RBP5: variants seen among roughly 807,000 people sequenced by gnomAD.
RBP5 encodes the protein retinol-binding protein 5.
RBP5 carries 12 observed loss-of-function variants against 17.8 expected under a neutral mutation model. The observed-to-expected ratio is 0.67, with a 90% CI of 0.43 to 1.09. The LOEUF (loss-of-function observed/expected upper bound fraction) is 1.09, where lower values mean the gene tolerates loss of function less well. Among genes scored for constraint, RBP5 ranks in the 50% least tolerant of loss-of-function variants. RBP5 has a pLI of 0.00. For missense variants in RBP5, 172 were observed against 169.4 expected, an observed-to-expected ratio of 1.02 and a Z score of -0.09; for synonymous variants, 64 against 68.1, an observed-to-expected ratio of 0.94 and a Z score of 0.30.
At chr12:7,122,082 GT>G (rs1296923379), downstream of RBP5, among the ~76,000 whole-genome samples, 3 of 89,500 alleles carry the variant, frequency 3.4e-5, no homozygotes, top group Non-Finnish European at 6.6e-5. Context: ...TTGGGTGTGT[GT>G]TTATATGTGT....
downstream of RBP5, among the ~76,000 whole-genome samples, chr12:7,121,485 T>C (rs1313415536): frequency 6.6e-6 from 1 of 152,088 alleles, no homozygotes; most frequent in Non-Finnish European, 1.5e-5. Flanking sequence ...GTCAGGGTCA[T>C]GTGGGAGGTG....
chr12:7,119,298 G>T (rs375109081), downstream of RBP5, among the ~76,000 whole-genome samples: 1 of 151,948 alleles, frequency 6.6e-6, no homozygotes, highest in Non-Finnish European at 1.5e-5. Context: ...CTGTCCCTGC[G>T]TCATCCCTTT....
rs1416290293 is a variant in RBP5 at position 7,128,252 on chromosome 12, T to G, written c.240A>C (p.Gly80=). The G allele has an allele frequency of 6.2e-7, 1 of 1,610,340 alleles. No homozygotes were observed. Among genetic ancestry groups the G allele is most frequent in the African/African-American group, 1.3e-5 (1 of 74,792 alleles). ...AGGGGAAATGTACCTGGCATTTTCG[T>G]CCGTCCACGCTCCTGAGGTCCTCCT... ...EFEEDLRSVD[G]RKCQTIVTWE... The change falls in exon 2 of 4, where the codon GGA becomes GGC. Residue 80 remains glycine, a synonymous_variant. Coordinates refer to ENST00000266560, the MANE Select transcript of RBP5 (RefSeq NM_031491.4). The surrounding 1 kb of genome is among the most constrained non-coding windows in gnomAD (Gnocchi z 5.3).
At chr12:7,129,900 G>A, upstream of RBP5, 1 of 759,232 alleles carries the variant, frequency 1.3e-6, no homozygotes. The surrounding 1 kb of genome is among the most constrained non-coding windows in gnomAD (Gnocchi z 5.5). Flanking sequence ...CCTGCGGACC[G>A]CCCTGTGGCT....
At position 7,128,428 on chromosome 12, in the gene RBP5, C is replaced by T; in HGVS notation, c.74-10G>A. ...ACAGCCAAGCTGATGTCTGTGGGGG[C>T]TGCCTGTTAGTAGGGGTGCTGCTAG... On this transcript the variant is annotated splice_polypyrimidine_tract_variant and intron_variant, in intron 1 of 3. Coordinates refer to ENST00000266560, the MANE Select transcript of RBP5 (RefSeq NM_031491.4). This position sits in a 1 kb window ranked among gnomAD's most constrained non-coding sequence, Gnocchi z 5.3. The T allele has an allele frequency of 6.2e-7, 1 of 1,613,652 alleles. No homozygotes were observed. Among genetic ancestry groups the T allele is most frequent in the African/African-American group, 1.3e-5 (1 of 75,052 alleles).
chr12:7,128,943 G>C, upstream of RBP5: 1 of 642,998 alleles, frequency 1.6e-6, no homozygotes, highest in Admixed American at 2.2e-5. The surrounding 1 kb of genome is among the most constrained non-coding windows in gnomAD (Gnocchi z 5.3). Context: ...GTTGCAATAA[G>C]AGTCCCTACC....
upstream of RBP5, chr12:7,129,382 A>AT (rs1318363634): frequency 6.1e-6 from 1 of 164,472 alleles, no homozygotes; most frequent in African/African-American, 2.4e-5. This position sits in a 1 kb window ranked among gnomAD's most constrained non-coding sequence, Gnocchi z 5.5. Flanking sequence ...GAGCTCCCTC[A>AT]GGTAGTGTGC....
intron 3 of RBP5, chr12:7,118,270 G>C (rs948370720): frequency 1.3e-5 from 2 of 152,136 alleles, no homozygotes; most frequent in East Asian, 3.9e-4. Context: ...CTTACAGCTG[G>C]GTCAAGGATA....
rs12824504 is a variant in RBP5 at position 7,124,251 on chromosome 12, A to T, written c.355-77T>A. Reference sequence around the variant, plus strand: ...CAGAGCCCCTTTCTCAAGGTCCTTGACCTCCATTTACTCCTTCCGGATACA... The same window carrying T: ...CAGAGCCCCTTTCTCAAGGTCCTTGTCCTCCATTTACTCCTTCCGGATACA... On this transcript the variant is annotated intron_variant, in intron 3 of 3. Coordinates refer to ENST00000266560, the MANE Select transcript of RBP5 (RefSeq NM_031491.4). The surrounding 1 kb of genome is among the most constrained non-coding windows in gnomAD (Gnocchi z 5.3). 114,598 of 1,278,914 alleles carry T rather than the reference A, an allele frequency of 0.09. 5,527 individuals are homozygous for T. The highest frequency in any genetic ancestry group is 0.18 in the East Asian group (7,872 of 42,776). The allele number at this position is 1,278,914 out of a possible 1,614,324, so 79.2% of individuals were successfully genotyped here. A position where few individuals can be genotyped will look rare whatever the true frequency, so the allele number is the denominator to read the frequency against.
chr12:7,124,288 G>T lies in RBP5; in HGVS notation c.355-114C>A. ...TCCTTCCGGATACAGCAGCTTGAGT[G>T]TTTGATGTATGGGCAATTGTATCAT... On this transcript the variant is annotated intron_variant, in intron 3 of 3. Coordinates refer to ENST00000266560, the MANE Select transcript of RBP5 (RefSeq NM_031491.4). The surrounding 1 kb of genome is among the most constrained non-coding windows in gnomAD (Gnocchi z 5.3). The T allele has an allele frequency of 1.1e-6, 1 of 901,024 alleles. No homozygotes were observed. Among genetic ancestry groups the T allele is most frequent in the Non-Finnish European group, 1.8e-6 (1 of 554,094 alleles). 55.8% of individuals were successfully genotyped at this position (901,024 alleles called of 1,614,324 possible).
intron 2 of RBP5, among the ~76,000 whole-genome samples, chr12:7,126,507 GGTGGTGTGT>G (rs1325161467): frequency 1.3e-4 from 4 of 29,812 alleles, no homozygotes; most frequent in African/African-American, 5.8e-4. Flanking sequence ...TGGTGGTGGT[GGTGGTGTGT>G]GTGTGTGTGT....
chr12:7,120,236 G>C (rs748667871), downstream of RBP5, among the ~76,000 whole-genome samples: 5 of 152,092 alleles, frequency 3.3e-5, no homozygotes, highest in Admixed American at 6.5e-5. Context: ...TGGAAGGTCA[G>C]CTACGTTTTA....
chr12:7,129,017 G>A (rs16916852), upstream of RBP5: 43,020 of 474,782 alleles, frequency 0.091, 2,557 homozygotes, highest in South Asian at 0.2. This position sits in a 1 kb window ranked among gnomAD's most constrained non-coding sequence, Gnocchi z 5.5. Flanking sequence ...GGAGGGGCAG[G>A]GATTTGGCAA....
In RBP5 at chr12:7,128,800, A is replaced by C. The variant is rs1379811161; in HGVS notation, c.-25T>G. ...TTGTGTGGATGAAGGTTTCAGGAGA[A>C]TGCAGGAGACAGGGTGAGGAAGGAG... On this transcript the variant is annotated 5_prime_UTR_variant, in exon 1 of 4. Coordinates refer to ENST00000266560, the MANE Select transcript of RBP5 (RefSeq NM_031491.4). This position sits in a 1 kb window ranked among gnomAD's most constrained non-coding sequence, Gnocchi z 5.3. The C allele has an allele frequency of 2.5e-6, 4 of 1,570,520 alleles. No homozygotes were observed. The African/African-American group carries it at 4.0e-5, about 16-fold the overall frequency.
chr12:7,124,275 C>A lies in RBP5; in HGVS notation c.355-101G>T. The A allele has an allele frequency of 9.7e-7, 1 of 1,031,880 alleles. No individual in the cohort carries two copies. The highest frequency in any genetic ancestry group is 1.5e-6 in the Non-Finnish European group (1 of 664,372). 63.9% of individuals were successfully genotyped at this position (1,031,880 alleles called of 1,614,324 possible). Reference sequence around the variant, plus strand: ...GACCTCCATTTACTCCTTCCGGATACAGCAGCTTGAGTGTTTGATGTATGG... The same window carrying A: ...GACCTCCATTTACTCCTTCCGGATAAAGCAGCTTGAGTGTTTGATGTATGG... On this transcript the variant is annotated intron_variant, in intron 3 of 3. Coordinates refer to ENST00000266560, the MANE Select transcript of RBP5 (RefSeq NM_031491.4). The surrounding 1 kb of genome is among the most constrained non-coding windows in gnomAD (Gnocchi z 5.3).
At chr12:7,129,037 T>C, upstream of RBP5, 1 of 424,986 alleles carries the variant, frequency 2.4e-6, no homozygotes, top group Non-Finnish European at 4.4e-6. This position sits in a 1 kb window ranked among gnomAD's most constrained non-coding sequence, Gnocchi z 5.5. Flanking sequence ...AAGTTGCGCC[T>C]GACCTTGGCT....
chr12:7,122,845 T>A (rs1455692536), downstream of RBP5, among the ~76,000 whole-genome samples: 1 of 152,168 alleles, frequency 6.6e-6, no homozygotes, highest in Non-Finnish European at 1.5e-5. Context: ...AGATTTTCCA[T>A]TCAACCCTGA....
intron 2 of RBP5, among the ~76,000 whole-genome samples, chr12:7,127,221 TG>T (rs1939186014): frequency 6.6e-6 from 1 of 152,180 alleles, no homozygotes; most frequent in African/African-American, 2.4e-5. Flanking sequence ...CTCGAACTCT[TG>T]ACCTCAGGTG....
Position 7,124,642 on chromosome 12 carries a change from T to C in RBP5, c.341A>G (p.Glu114Gly), listed in dbSNP as rs1939129712. 2 of 1,350,022 alleles carry C rather than the reference T, an allele frequency of 1.5e-6. No homozygotes were observed. The highest frequency in any genetic ancestry group is 1.2e-5 in the South Asian group (1 of 85,704). The allele number at this position is 1,350,022 out of a possible 1,614,324, so 83.6% of individuals were successfully genotyped here. A position where few individuals can be genotyped will look rare whatever the true frequency, so the allele number is the denominator to read the frequency against. ...CACCCCATTTACCAGATACAGCATC[T>C]CTCCCTCCAGCCAGTGTCTCCAGCC... Reference protein sequence around the residue: ...NRGWRHWLEGEMLYLELTARD... With the variant: ...NRGWRHWLEGGMLYLELTARD... The change falls in exon 3 of 4, where the codon GAG becomes GGG. Residue 114 changes from glutamate to glycine, a missense_variant. Glu to Gly is a moderately conservative substitution (Grantham distance 98). Coordinates refer to ENST00000266560, the MANE Select transcript of RBP5 (RefSeq NM_031491.4). This position sits in a 1 kb window ranked among gnomAD's most constrained non-coding sequence, Gnocchi z 5.3.
Sources: allele counts gnomAD v4.1 joint callset (sites outside exome capture counted in the v4.1 genomes callset), GRCh38; gene constraint gnomAD v4.1.1; non-coding constraint Gnocchi (gnomAD v3.1); transcripts MANE v1.5; gene names NCBI Gene and HGNC (gene_info 2026-07-23, HGNC 2026-07-21).